The following THSD7A variants were observed in gnomAD, a reference collection of about 807,000 sequenced individuals.
THSD7A encodes the protein thrombospondin type-1 domain-containing protein 7A.
Under a neutral mutation model 231.3 loss-of-function variants are expected in THSD7A, and 96 were observed. The observed-to-expected ratio is 0.41, with a 90% CI of 0.35 to 0.49. The LOEUF is 0.49. Among genes scored for constraint, THSD7A ranks in the 20% least tolerant of loss-of-function variants. The pLI, the probability that THSD7A is intolerant of heterozygous loss-of-function variation, is 0.05. For missense variants in THSD7A, 2,290 were observed against 2,070.2 expected (o/e 1.11, Z -2.06); for synonymous variants, 940 against 743.3 (o/e 1.26, Z -4.30).
chr7:11,619,108 C>T (rs1162551842), intron 2 of THSD7A, among the ~76,000 whole-genome samples: 1 of 151,590 alleles, frequency 6.6e-6, no homozygotes, highest in Non-Finnish European at 1.5e-5. Flanking sequence ...TATATCTAAC[C>T]TAGAGGACAC....
intron 1 of THSD7A, among the ~76,000 whole-genome samples, chr7:11,830,796 G>A (rs1785170000): frequency 6.6e-6 from 1 of 152,174 alleles, no homozygotes; most frequent in Admixed American, 6.5e-5. Flanking sequence ...GCAACCCCAT[G>A]ACGAATACAT....
At chr7:11,687,559 G>T (rs546589289) in intron 1 of THSD7A, among the ~76,000 whole-genome samples, 1 of 151,908 alleles carries the variant, frequency 6.6e-6, no homozygotes, top group African/African-American at 2.4e-5. Context: ...TCACTGGGAA[G>T]GGAAATCAGG....
chr7:11,589,412 T>C (rs1439760635), intron 4 of THSD7A, among the ~76,000 whole-genome samples: 3 of 152,182 alleles, frequency 2.0e-5, no homozygotes, highest in African/African-American at 7.2e-5. Context: ...TTGCCATGCT[T>C]CCCTGCAAGT....
At chr7:11,454,606 C>T (rs113857243) in intron 11 of THSD7A, among the ~76,000 whole-genome samples, 30 of 150,318 alleles carry the variant, frequency 2.0e-4, no homozygotes, top group African/African-American at 7.1e-4. Context: ...TGTGTATATA[C>T]ACTACTACTG....
intron 4 of THSD7A, among the ~76,000 whole-genome samples, chr7:11,561,623 C>A (rs1049857189): frequency 6.6e-6 from 1 of 152,168 alleles, no homozygotes; most frequent in Non-Finnish European, 1.5e-5. Flanking sequence ...GTAATCCCAA[C>A]AACTTGTGAG....
intron 1 of THSD7A, among the ~76,000 whole-genome samples, chr7:11,656,431 G>C (rs1782709130): frequency 6.6e-6 from 1 of 151,946 alleles, no homozygotes; most frequent in East Asian, 1.9e-4. Context: ...ACAGTTCACA[G>C]ATGGTCTCCA....
intron 7 of THSD7A, among the ~76,000 whole-genome samples, chr7:11,479,237 T>C (rs1429010846): frequency 6.6e-6 from 1 of 152,190 alleles, no homozygotes; most frequent in Non-Finnish European, 1.5e-5. Context: ...TCCTTATTAA[T>C]TACAAGGAGT....
intron 1 of THSD7A, among the ~76,000 whole-genome samples, chr7:11,787,668 A>G (rs936930027): frequency 5.2e-4 from 79 of 152,206 alleles, no homozygotes; most frequent in African/African-American, 1.9e-3. Context: ...TTCACATCCT[A>G]TGTCACTAGG....
At chr7:11,487,204 C>T (rs1000631644) in intron 6 of THSD7A, among the ~76,000 whole-genome samples, 1 of 152,116 alleles carries the variant, frequency 6.6e-6, no homozygotes, top group Non-Finnish European at 1.5e-5. Flanking sequence ...TAAACTATTC[C>T]TTTTTATTCG....
chr7:11,778,422 T>A (rs1449237971), intron 1 of THSD7A, among the ~76,000 whole-genome samples: 1 of 152,106 alleles, frequency 6.6e-6, no homozygotes, highest in Non-Finnish European at 1.5e-5. Context: ...TTATCCATAT[T>A]TTCATATATA....
Position 11,590,440 on chromosome 7 carries a change from G to C in THSD7A, c.1453+20C>G. 1 of 1,597,886 alleles carries C rather than the reference G, an allele frequency of 6.3e-7. No homozygotes were observed. On this transcript the variant is annotated intron_variant, in intron 4 of 27. Transcript: ENST00000423059. The surrounding 1 kb of genome is among the most constrained non-coding windows in gnomAD (Gnocchi z 4.4). ...AGTCAGTCTTCATAAGTGAATCCTT[G>C]AGAAGAAAGCAAAGGTTACCTTCTT... is the stretch of plus-strand genomic sequence containing the variant.
chr7:11,651,096 G>T (rs776910547), intron 1 of THSD7A, among the ~76,000 whole-genome samples: 1 of 151,914 alleles, frequency 6.6e-6, no homozygotes, highest in Non-Finnish European at 1.5e-5. Context: ...ACATACAATG[G>T]GATATTATTT....
intron 4 of THSD7A, among the ~76,000 whole-genome samples, chr7:11,543,817 GTTTT>G (rs900660340): frequency 6.6e-6 from 1 of 151,370 alleles, no homozygotes; most frequent in Non-Finnish European, 1.5e-5. Flanking sequence ...TTGTTTTTTT[GTTTT>G]TTTTATGCCT....
chr7:11,374,746 A>G lies in THSD7A; in HGVS notation c.*1048T>C, dbSNP rs576423670. ...GAGGGTTAAGGGGTTAGGGACTTCAACACTTAAATTACCGCCATGTTGTCA... is the reference window on the plus strand; with the variant it reads ...GAGGGTTAAGGGGTTAGGGACTTCAGCACTTAAATTACCGCCATGTTGTCA... On this transcript the variant is annotated 3_prime_UTR_variant, in exon 28 of 28. Coordinates refer to ENST00000423059, the MANE Select transcript of THSD7A (RefSeq NM_015204.3). 2 of 152,092 alleles carry G rather than the reference A, an allele frequency of 1.3e-5. No homozygotes were observed. The highest frequency in any genetic ancestry group is 2.9e-5 in the Non-Finnish European group (2 of 68,008). The allele number at this position is 152,092 out of a possible 1,614,324, so 9.4% of individuals were successfully genotyped here. A position where few individuals can be genotyped will look rare whatever the true frequency, so the allele number is the denominator to read the frequency against.
intron 4 of THSD7A, among the ~76,000 whole-genome samples, chr7:11,543,678 A>G (rs575528371): frequency 4.6e-5 from 7 of 152,326 alleles, no homozygotes; most frequent in African/African-American, 1.4e-4. Flanking sequence ...TTATTTCCAA[A>G]ATGTCTAAAT....
At chr7:11,440,451 A>C (rs964924711) in intron 13 of THSD7A, among the ~76,000 whole-genome samples, 1 of 151,974 alleles carries the variant, frequency 6.6e-6, no homozygotes, top group African/African-American at 2.4e-5. Flanking sequence ...CCTCCAATGG[A>C]TCCAGGCAAA....
intron 2 of THSD7A, among the ~76,000 whole-genome samples, chr7:11,607,859 G>A: frequency 6.6e-6 from 1 of 152,102 alleles, no homozygotes; most frequent in East Asian, 1.9e-4. Flanking sequence ...GCCAAACGGT[G>A]TCACCTGCCA....
chr7:11,555,374 T>C (rs1562714509), intron 4 of THSD7A, among the ~76,000 whole-genome samples: 1 of 152,170 alleles, frequency 6.6e-6, no homozygotes, highest in South Asian at 2.1e-4. Flanking sequence ...TCCAAGTGTT[T>C]GGAGATTTTA....
Position 11,536,315 on chromosome 7 carries a change from G to C in THSD7A, c.1822+5104C>G, listed in dbSNP as rs574264119. 8.5e-5 allele frequency among the ~76,000 whole-genome samples: 13 copies of C among 152,192 alleles called. 1 individual carries two copies. The highest frequency in any genetic ancestry group is 6.5e-4 in the Admixed American group (10 of 15,288). ...TTACCACATAATTGGATTTCGTTTT[G>C]TAATGGGTAGTGTTGCTGGCCAGTT... On this transcript the variant is annotated intron_variant, in intron 6 of 27. Coordinates refer to ENST00000423059, the MANE Select transcript of THSD7A (RefSeq NM_015204.3).
Sources: gnomAD v4.1 joint callset for allele counts (sites outside exome capture counted in the v4.1 genomes callset) on GRCh38, gnomAD v4.1.1 for gene constraint, Gnocchi (gnomAD v3.1) non-coding constraint, MANE v1.5 for transcripts, NCBI Gene and HGNC (gene_info 2026-07-23, HGNC 2026-07-21) for gene names.